KAT6A: variants seen among roughly 807,000 people sequenced by gnomAD.
KAT6A encodes the protein histone acetyltransferase KAT6A.
In KAT6A, 9 loss-of-function variants were observed where a neutral mutation model predicts 198.4. The ratio of observed to expected loss-of-function variants is 0.05; its 90% CI spans 0.03 to 0.08. KAT6A has a LOEUF of 0.08. Ranked by LOEUF, KAT6A falls within the 10% of genes least tolerant of loss-of-function variation. The probability of loss-of-function intolerance (pLI) is 1.00; values close to 1 mark genes in which losing one functional copy is unlikely to be tolerated. For missense variants in KAT6A, 2,077 were observed against 2,509.9 expected (o/e 0.83, Z 3.69); for synonymous variants, 890 against 883.0 (o/e 1.01, Z -0.14).
rs546188726 is a variant in KAT6A, at chr8:42,015,579, A to C, written c.601-28016T>G. The stretch of plus-strand genomic sequence containing the variant: ...CCACAACCTCCTATACAGTCGTATA[A>C]ATTTCAATGTATAGATAAATTTCAA... On this transcript the variant is annotated intron_variant, in intron 2 of 16. Coordinates refer to ENST00000265713, the MANE Select transcript of KAT6A (RefSeq NM_006766.5). 1.3e-4 allele frequency among the ~76,000 whole-genome samples: 20 copies of C among 152,332 alleles called. 1 individual carries two copies. In the South Asian group the frequency reaches 3.7e-3, roughly 28 times the overall value.
At chr8:41,952,772 A>C (rs969713626) in intron 9 of KAT6A, among the ~76,000 whole-genome samples, 6 of 152,314 alleles carry the variant, frequency 3.9e-5, no homozygotes, top group East Asian at 1.9e-4. Flanking sequence ...AAAATGTAAG[A>C]TCTCCAAACA....
At chr8:42,034,585 T>C (rs541214098) in intron 2 of KAT6A, among the ~76,000 whole-genome samples, 103 of 152,328 alleles carry the variant, frequency 6.8e-4, no homozygotes, top group African/African-American at 2.4e-3. Context: ...CTAAACACTA[T>C]TTCTAAGGAC....
chr8:42,000,579 A>G (rs1825446580), intron 2 of KAT6A, among the ~76,000 whole-genome samples: 1 of 152,166 alleles, frequency 6.6e-6, no homozygotes, highest in African/African-American at 2.4e-5. Context: ...AAAAAGAAAA[A>G]AAAGTGATGT....
chr8:41,987,340 A>G, intron 3 of KAT6A, 115 bp downstream of exon 3: 1 of 661,350 alleles, frequency 1.5e-6, no homozygotes, highest in Non-Finnish European at 2.7e-6. Context: ...CCCATAATTA[A>G]AAGATGTATG....
At chr8:42,005,502 G>A (rs1285812180) in intron 2 of KAT6A, among the ~76,000 whole-genome samples, 3 of 152,288 alleles carry the variant, frequency 2.0e-5, no homozygotes, top group African/African-American at 7.2e-5. Context: ...CACAATAAGA[G>A]ATCAGGAAAG....
intron 2 of KAT6A, among the ~76,000 whole-genome samples, chr8:42,025,209 TTTTG>T (rs1348361550): frequency 2.6e-5 from 4 of 151,840 alleles, no homozygotes; most frequent in Non-Finnish European, 5.9e-5. Context: ...TGAGGTTTTT[TTTTG>T]TTTTGTTTTG....
intron 8 of KAT6A, among the ~76,000 whole-genome samples, chr8:41,969,505 A>T (rs1823670407): frequency 6.6e-6 from 1 of 151,952 alleles, no homozygotes; most frequent in Non-Finnish European, 1.5e-5. Flanking sequence ...AAATCCATCC[A>T]CTTCTCTCCC....
intron 10 of KAT6A, among the ~76,000 whole-genome samples, chr8:41,948,179 G>C (rs1822491143): frequency 6.6e-6 from 1 of 152,142 alleles, no homozygotes; most frequent in Non-Finnish European, 1.5e-5. Flanking sequence ...TTTTAAAAGA[G>C]CAATTTTTGC....
chr8:41,971,664 A>G (rs1823802512), intron 8 of KAT6A, among the ~76,000 whole-genome samples: 1 of 151,730 alleles, frequency 6.6e-6, no homozygotes, highest in Non-Finnish European at 1.5e-5. Flanking sequence ...AGGTTTTCTA[A>G]GCAAGGAAGT....
chr8:41,932,082 A>G lies in KAT6A; in HGVS notation c.*123T>C. The G allele has an allele frequency of 1.0e-6, 1 of 977,088 alleles. No homozygotes were observed. The highest frequency in any genetic ancestry group is 1.4e-6 in the Non-Finnish European group (1 of 740,544). The allele number at this position is 977,088 out of a possible 1,614,324, so 60.5% of individuals were successfully genotyped here. ...TCTAAAAAATAAAATAAACCAAAGA[A>G]AAATTCCTCTAAATCTACAGCAATA... On this transcript the variant is annotated 3_prime_UTR_variant, in exon 17 of 17. Transcript: ENST00000265713.
At chr8:41,995,724 G>A (rs548728506) in intron 2 of KAT6A, among the ~76,000 whole-genome samples, 7 of 147,704 alleles carry the variant, frequency 4.7e-5, no homozygotes, top group Non-Finnish European at 7.4e-5. Flanking sequence ...TTGCCCAGGC[G>A]GGAGTGCAAT....
chr8:42,029,572 T>G (rs1015153172), intron 2 of KAT6A, among the ~76,000 whole-genome samples: 10 of 151,116 alleles, frequency 6.6e-5, no homozygotes, highest in Admixed American at 2.6e-4. Flanking sequence ...TTTTTTTGTT[T>G]TTTTTTTTTT....
chr8:42,012,297 C>T (rs1826058683), intron 2 of KAT6A, among the ~76,000 whole-genome samples: 1 of 152,148 alleles, frequency 6.6e-6, no homozygotes, highest in Non-Finnish European at 1.5e-5. Flanking sequence ...GACTGAAATC[C>T]CCCACAGACA....
rs1029312396 is a variant in KAT6A at position 41,931,678 on chromosome 8, G to C, written c.*527C>G. On this transcript the variant is annotated 3_prime_UTR_variant, in exon 17 of 17. Coordinates refer to ENST00000265713, the MANE Select transcript of KAT6A (RefSeq NM_006766.5). ...CAATAATAATAAGTTTAAGGAGCTT[G>C]GGTTGTTCTCCATGTCCCCATCCGA... 1 of 187,726 alleles carries C rather than the reference G, an allele frequency of 5.3e-6. No individual in the cohort carries two copies. The highest frequency in any genetic ancestry group is 1.1e-5 in the Non-Finnish European group (1 of 89,026). The allele number at this position is 187,726 out of a possible 1,614,324, so 11.6% of individuals were successfully genotyped here. A position where few individuals can be genotyped will look rare whatever the true frequency, so the allele number is the denominator to read the frequency against.
rs752763183 is a variant in KAT6A, at chr8:42,048,547, T to C, written c.431A>G (p.His144Arg). The change falls in exon 2 of 17, where the codon CAC becomes CGC. Residue 144 changes from histidine (H) to arginine (R), a missense_variant. Physicochemically the swap from His to Arg is conservative, Grantham distance 29. Transcript: ENST00000265713. Reference sequence around the variant, plus strand: ...TTTGATAGCCAATCGTAACTGCTGGTGAAAGCCAGAGGCAGCACTGCCTCC... The same window carrying C: ...TTTGATAGCCAATCGTAACTGCTGGCGAAAGCCAGAGGCAGCACTGCCTCC... Reference protein sequence around the residue: ...LFGGSAASGFHQQLRLAIKRA... With the variant: ...LFGGSAASGFRQQLRLAIKRA... The C allele has an allele frequency of 1.2e-6, 2 of 1,614,084 alleles. No homozygotes were observed.
At chr8:41,989,521 ATAACG>A (rs1044765733) in intron 2 of KAT6A, among the ~76,000 whole-genome samples, 19 of 138,032 alleles carry the variant, frequency 1.4e-4, no homozygotes, top group South Asian at 2.5e-4. Flanking sequence ...GAAAAATAAC[ATAACG>A]TAACGTGACG....
chr8:41,934,890 A>G (rs1250392169), intron 16 of KAT6A, 23 bp from the exon 17 acceptor site: 1 of 1,551,100 alleles, frequency 6.4e-7, no homozygotes, highest in Admixed American at 2.0e-5. Flanking sequence ...GAAAAAAAAC[A>G]AAGACAGGTT....
chr8:42,045,582 A>C (rs1226411160), intron 2 of KAT6A, among the ~76,000 whole-genome samples: 1 of 151,902 alleles, frequency 6.6e-6, no homozygotes, highest in African/African-American at 2.4e-5. Context: ...AAAAAAACAA[A>C]AAAACACTAT....
chr8:41,981,717 G>A (rs1055258603), intron 4 of KAT6A, 122 bp downstream of exon 4: 10 of 651,476 alleles, frequency 1.5e-5, no homozygotes, highest in Middle Eastern at 3.0e-4. Flanking sequence ...AGAGACTACC[G>A]GCTATTCTAA....
Sources: gnomAD v4.1 joint callset for allele counts (sites outside exome capture counted in the v4.1 genomes callset) on GRCh38, gnomAD v4.1.1 for gene constraint, MANE v1.5 for transcripts, NCBI Gene and HGNC (gene_info 2026-07-23, HGNC 2026-07-21) for gene names.